CDKAL1: variants seen among roughly 807,000 people sequenced by gnomAD.
CDKAL1 encodes CDKAL1 threonylcarbamoyladenosine tRNA methylthiotransferase, also known as threonylcarbamoyladenosine tRNA methylthiotransferase.
CDKAL1 carries 32 observed loss-of-function variants against 68.2 expected under a neutral mutation model. The observed-to-expected ratio is 0.47, with a 90% CI of 0.35 to 0.63. The LOEUF (loss-of-function observed/expected upper bound fraction) is 0.63, where lower values mean the gene tolerates loss of function less well. Among genes scored for constraint, CDKAL1 ranks in the 30% least tolerant of loss-of-function variants. The probability of loss-of-function intolerance (pLI) is 0.00; values close to 1 mark genes in which losing one functional copy is unlikely to be tolerated. For synonymous variants in CDKAL1, 234 were observed against 244.3 expected, an observed-to-expected ratio of 0.96 and a Z score of 0.39; for missense variants, 606 against 696.7, an observed-to-expected ratio of 0.87 and a Z score of 1.47.
chr6:20,579,123 C>T (rs984497749), intron 4 of CDKAL1, among the ~76,000 whole-genome samples: 1 of 152,096 alleles, frequency 6.6e-6, no homozygotes, highest in Non-Finnish European at 1.5e-5. Flanking sequence ...CATTACGGGC[C>T]TGCACCACCA....
chr6:20,779,051 A>G (rs951747964), intron 7 of CDKAL1, among the ~76,000 whole-genome samples: 1 of 152,188 alleles, frequency 6.6e-6, no homozygotes, highest in Non-Finnish European at 1.5e-5. Context: ...ACTCAACATC[A>G]TTCCTCACTA....
At chr6:20,940,962 C>T (rs544980895) in intron 9 of CDKAL1, among the ~76,000 whole-genome samples, 9 of 152,074 alleles carry the variant, frequency 5.9e-5, no homozygotes, top group South Asian at 2.1e-4. Context: ...TGGTGGTGGG[C>T]GCCTGTAGTC....
intron 9 of CDKAL1, among the ~76,000 whole-genome samples, chr6:20,893,811 C>A (rs1371080241): frequency 6.6e-6 from 1 of 152,058 alleles, no homozygotes; most frequent in African/African-American, 2.4e-5. Flanking sequence ...TAAGCACAGT[C>A]TTGGGCATGG....
intron 5 of CDKAL1, among the ~76,000 whole-genome samples, chr6:20,652,874 A>G (rs1768837267): frequency 6.6e-6 from 1 of 152,214 alleles, no homozygotes; most frequent in South Asian, 2.1e-4. Flanking sequence ...AACTCCCAAG[A>G]AGTAACCTTT....
At chr6:20,992,145 A>G (rs1221375596) in intron 10 of CDKAL1, among the ~76,000 whole-genome samples, 1 of 146,912 alleles carries the variant, frequency 6.8e-6, no homozygotes, top group Non-Finnish European at 1.5e-5. Flanking sequence ...CTTGTGCCTC[A>G]GCCTCCTAAA....
intron 4 of CDKAL1, among the ~76,000 whole-genome samples, chr6:20,574,794 C>T (rs924454923): frequency 4.6e-5 from 7 of 152,066 alleles, no homozygotes; most frequent in African/African-American, 1.4e-4. Context: ...TATGAAAACA[C>T]TCTTTAATCT....
At chr6:20,540,290 G>GTCTTGAAC (rs1179953138) in intron 2 of CDKAL1, among the ~76,000 whole-genome samples, 2 of 151,534 alleles carry the variant, frequency 1.3e-5, no homozygotes, top group Non-Finnish European at 2.9e-5. Context: ...GGACAGGCTG[G>GTCTTGAAC]TCTTGAACTC....
chr6:20,721,725 G>GTTTTTTTTTTTTTTTTTTTTTTTTTTT (rs145893325), intron 5 of CDKAL1, among the ~76,000 whole-genome samples: 1 of 67,380 alleles, frequency 1.5e-5, no homozygotes, highest in Admixed American at 2.3e-4. Context: ...ACCAACTTCT[G>GTTTTTTTTTTTTTTTTTTTTTTTTTTT]TTTTTTTTTT....
chr6:21,212,155 C>T (rs1779177743), intron 15 of CDKAL1, among the ~76,000 whole-genome samples: 1 of 152,080 alleles, frequency 6.6e-6, no homozygotes, highest in Non-Finnish European at 1.5e-5. Flanking sequence ...ACTGGTCTGC[C>T]CACGACTGGC....
At chr6:20,888,479 C>T (rs1014589884) in intron 9 of CDKAL1, among the ~76,000 whole-genome samples, 1 of 148,224 alleles carries the variant, frequency 6.7e-6, no homozygotes, top group Non-Finnish European at 1.5e-5. Flanking sequence ...ATTAACTCGT[C>T]ATTTAGCATT....
chr6:20,583,791 C>T (rs180930862), intron 4 of CDKAL1, among the ~76,000 whole-genome samples: 1 of 150,428 alleles, frequency 6.6e-6, no homozygotes, highest in East Asian at 2.0e-4. Flanking sequence ...AGCGCCCCCC[C>T]CCACTAGTTT....
intron 12 of CDKAL1, among the ~76,000 whole-genome samples, chr6:21,072,098 A>G (rs1415405216): frequency 1.3e-5 from 2 of 152,142 alleles, no homozygotes; most frequent in African/African-American, 4.8e-5. Context: ...CTGAAATTCT[A>G]TGGTGATTTT....
intron 10 of CDKAL1, among the ~76,000 whole-genome samples, chr6:20,992,737 AG>A (rs1766897531): frequency 6.6e-6 from 1 of 151,862 alleles, no homozygotes; most frequent in Admixed American, 6.6e-5. Context: ...CCCCGTCTCT[AG>A]GAAAAATGTA....
chr6:21,047,862 G>A (rs1290852620), intron 11 of CDKAL1, among the ~76,000 whole-genome samples: 1 of 152,208 alleles, frequency 6.6e-6, no homozygotes, highest in Non-Finnish European at 1.5e-5. Context: ...TGTACAGTAG[G>A]ATTGCTCAGA....
chr6:20,849,597 A>C (rs1230186673), intron 9 of CDKAL1, among the ~76,000 whole-genome samples: 2 of 152,098 alleles, frequency 1.3e-5, no homozygotes, highest in Non-Finnish European at 1.5e-5. Flanking sequence ...AAAAAAAAAA[A>C]AAAACATTAT....
intron 4 of CDKAL1, among the ~76,000 whole-genome samples, chr6:20,577,693 A>G (rs1237642796): frequency 1.3e-5 from 2 of 152,242 alleles, no homozygotes; most frequent in African/African-American, 4.8e-5. Context: ...TGTCTAGCCC[A>G]TAGTTACAGG....
intron 5 of CDKAL1, among the ~76,000 whole-genome samples, chr6:20,730,530 G>C (rs189520609): frequency 3.3e-5 from 5 of 152,054 alleles, no homozygotes; most frequent in African/African-American, 1.2e-4. Flanking sequence ...ACATGGTAGA[G>C]GAACAGGTGA....
chr6:20,555,228 A>G lies in CDKAL1; in HGVS notation c.286+6523A>G, dbSNP rs938961217. On this transcript the variant is annotated intron_variant, in intron 4 of 15. Coordinates refer to ENST00000274695, the MANE Select transcript of CDKAL1 (RefSeq NM_017774.3). ...GCCTTCATATTCTGTGTTAAATCCT[A>G]GAAGTTGTTTTAGGAAATACTTAAG... 2.0e-5 allele frequency among the ~76,000 whole-genome samples: 3 copies of G among 152,222 alleles called. No homozygotes were observed. The East Asian group carries it at 5.8e-4, about 29-fold the overall frequency.
intron 13 of CDKAL1, among the ~76,000 whole-genome samples, chr6:21,139,031 A>G (rs1775768026): frequency 6.6e-6 from 1 of 152,240 alleles, no homozygotes; most frequent in Non-Finnish European, 1.5e-5. Flanking sequence ...TACATTATTG[A>G]AAAGGGTCAA....
Sources: gnomAD v4.1 joint callset for allele counts (sites outside exome capture counted in the v4.1 genomes callset) on GRCh38, gnomAD v4.1.1 for gene constraint, MANE v1.5 for transcripts, NCBI Gene and HGNC (gene_info 2026-07-23, HGNC 2026-07-21) for gene names.